Variants in EOLA1 observed in about 807,000 individuals in gnomAD.
EOLA1 encodes protein EOLA1.
In EOLA1, 1 loss-of-function variant was observed where a neutral mutation model predicts 4.5. The observed-to-expected ratio is 0.22, with a 90% CI of 0.08 to 1.05. EOLA1 has a LOEUF of 1.05. Ranked by LOEUF, EOLA1 falls within the 50% of genes least tolerant of loss-of-function variation. The pLI, the probability that EOLA1 is intolerant of heterozygous loss-of-function variation, is 0.57. For missense variants in EOLA1, 69 were observed against 127.2 expected (o/e 0.54, Z 2.20); for synonymous variants, 37 against 52.3 (o/e 0.71, Z 1.26).
intron 2 of EOLA1, among the ~76,000 whole-genome samples, chrX:149,542,825 G>A (rs782620813): frequency 9.4e-6 from 1 of 106,905 alleles, no homozygotes; most frequent in Admixed American, 1.0e-4. Flanking sequence ...TCGCAGTTCT[G>A]GAGGATGGAA....
chrX:149,544,546 G>A, intron 2 of EOLA1: 4 of 749,983 alleles, frequency 5.3e-6, no homozygotes, highest in Non-Finnish European at 4.7e-6. Context: ...TGGGCTGGGT[G>A]CTCTTGGTGC....
In EOLA1 at chrX:149,546,881, G is replaced by A. The variant is rs782562069; in HGVS notation, c.396G>A (p.Glu132=). 2.1e-5 allele frequency: 25 copies of A among 1,209,488 alleles called. No homozygotes were observed. The highest frequency in any genetic ancestry group is 1.6e-4 in the South Asian group (9 of 56,811). ...TVISNPRWLL[E]PIPRKGGKDV... ...TTTCAAACCCCAGGTGGTTACTGGA[G>A]CCCATACCTAGGAAAGGAGGCAAGG... Residue 132 remains glutamate, a synonymous_variant, in exon 5 of 5, where the codon GAG becomes GAA. Coordinates refer to ENST00000393985, the MANE Select transcript of EOLA1 (RefSeq NM_001171907.3).
chrX:149,543,452 G>A (rs375718421), intron 2 of EOLA1, among the ~76,000 whole-genome samples: 1 of 79,365 alleles, frequency 1.3e-5, no homozygotes, highest in Admixed American at 1.4e-4. Context: ...AGATCATTCC[G>A]ATGGCAGTGT....
rs1240181736 is a variant in EOLA1, at chrX:149,543,843, G to A, written c.-162-1525G>A. On this transcript the variant is annotated intron_variant, in intron 2 of 4. Transcript: ENST00000393985. ...TTCAGAGCAGGACGGTGAGCAACGT[G>A]GGGGTCCCAGAAGGAGGGAAGGAGT... 2.2e-5 allele frequency among the ~76,000 whole-genome samples: 2 copies of A among 89,722 alleles called. 1 individual carries two copies. Among genetic ancestry groups the A allele is most frequent in the Non-Finnish European group, 4.5e-5 (2 of 43,982 alleles). The allele number at this position is 89,722 out of a possible 115,157, so 77.9% of individuals were successfully genotyped here. A position where few individuals can be genotyped will look rare whatever the true frequency, so the allele number is the denominator to read the frequency against.
chrX:149,543,766 G>A (rs1318822186), intron 2 of EOLA1, among the ~76,000 whole-genome samples: 1 of 89,166 alleles, frequency 1.1e-5, no homozygotes, highest in African/African-American at 4.4e-5. Flanking sequence ...GAGTATGTAC[G>A]GGCCTGTCCA....
At chrX:149,544,882 C>T in intron 2 of EOLA1, 1 of 753,946 alleles carries the variant, frequency 1.3e-6, no homozygotes, top group Non-Finnish European at 1.6e-6. Context: ...ACGTGGAAGG[C>T]ATGTGTGTGG....
intron 1 of EOLA1, chrX:149,541,665 G>A (rs1465421585): frequency 2.2e-6 from 1 of 452,251 alleles, no homozygotes; most frequent in African/African-American, 2.7e-5. Context: ...GAGGACAATG[G>A]GATTTAGAGT....
At chrX:149,542,129 A>T (rs1277046711) in intron 2 of EOLA1, 44 bp downstream of exon 2, 1 of 495,903 alleles carries the variant, frequency 2.0e-6, no homozygotes, top group African/African-American at 2.6e-5. Flanking sequence ...CAGTTACATC[A>T]GTTCCTACTA....
intron 2 of EOLA1, among the ~76,000 whole-genome samples, chrX:149,543,783 G>C (rs1230442207): frequency 1.1e-5 from 1 of 89,862 alleles, no homozygotes; most frequent in African/African-American, 4.4e-5. Flanking sequence ...TCCACCTAAG[G>C]CTGAGTCTGA....
chrX:149,545,500 G>C lies in EOLA1; in HGVS notation c.-30G>C. 8.8e-7 allele frequency: 1 copy of C among 1,132,138 alleles called. No homozygotes were observed. The highest frequency in any genetic ancestry group is 3.1e-5 in the East Asian group (1 of 32,221). 93.3% of individuals were successfully genotyped at this position (1,132,138 alleles called of 1,213,427 possible). Reference sequence around the variant, plus strand: ...ACAGACGGAAGCAGGAGACCATCAAGGTCAGTGCGATTTAGGCCACCTGAG... The same window carrying C: ...ACAGACGGAAGCAGGAGACCATCAACGTCAGTGCGATTTAGGCCACCTGAG... On this transcript the variant is annotated splice_region_variant and 5_prime_UTR_variant, in exon 3 of 5. Transcript: ENST00000393985.
chrX:149,545,385 C>A lies in EOLA1; in HGVS notation c.-145C>A. The A allele has an allele frequency of 9.4e-7, 1 of 1,068,386 alleles. No individual in the cohort carries two copies. The highest frequency in any genetic ancestry group is 2.6e-4 in the Middle Eastern group (1 of 3,892). 88.0% of individuals were successfully genotyped at this position (1,068,386 alleles called of 1,213,427 possible). On this transcript the variant is annotated 5_prime_UTR_variant, in exon 3 of 5. Coordinates refer to ENST00000393985, the MANE Select transcript of EOLA1 (RefSeq NM_001171907.3). Reference sequence around the variant, plus strand: ...TCCTCTAGCTGTCCCCGCCCTACTCCGGACCGCCCCAAAGACTCCATGGGA... The same window carrying A: ...TCCTCTAGCTGTCCCCGCCCTACTCAGGACCGCCCCAAAGACTCCATGGGA...
chrX:149,548,881 GTC>G (rs2089891931), downstream of EOLA1: 2 of 282,031 alleles, frequency 7.1e-6, no homozygotes, highest in African/African-American at 7.6e-5. Flanking sequence ...GCCTGGGCTT[GTC>G]TCTCTGAAAA....
At chrX:149,545,065 G>C in intron 2 of EOLA1, 4 of 693,718 alleles carry the variant, frequency 5.8e-6, no homozygotes, top group Non-Finnish European at 6.8e-6. Context: ...TGCATCCTGA[G>C]GACAGAGCTG....
chrX:149,540,681 A>C, upstream of EOLA1: 1 of 95,148 alleles, frequency 1.1e-5, no homozygotes, highest in African/African-American at 4.1e-5. Flanking sequence ...TCCTCGTCCC[A>C]CCCTTCCACT....
At position 149,548,236 on chromosome X, in the gene EOLA1, T is replaced by C; in HGVS notation, c.*1274T>C. 2.5e-6 allele frequency: 1 copy of C among 406,426 alleles called. No homozygotes were observed. Among genetic ancestry groups the C allele is most frequent in the Non-Finnish European group, 3.7e-6 (1 of 271,876 alleles). The allele number at this position is 406,426 out of a possible 1,213,427, so 33.5% of individuals were successfully genotyped here. On this transcript the variant is annotated 3_prime_UTR_variant, in exon 5 of 5. Transcript: ENST00000393985. ...TCTCATTTAAATTGTTTATTATTTA[T>C]TTCCATGGAATTTTGTTTTTCTTTA...
Position 149,548,005 on chromosome X carries a change from C to A in EOLA1, c.*1043C>A, listed in dbSNP as rs2089880779. On this transcript the variant is annotated 3_prime_UTR_variant, in exon 5 of 5. Transcript: ENST00000393985. The stretch of plus-strand genomic sequence containing the variant: ...TCTATTCTTTCTCCTGACCAGCAGG[C>A]CAATCTCAGGGGACCAGGTCTTCCT... 9.9e-6 allele frequency among the ~76,000 whole-genome samples: 1 copy of A among 100,526 alleles called. No homozygotes were observed. Among genetic ancestry groups the A allele is most frequent in the Non-Finnish European group, 2.0e-5 (1 of 49,985 alleles). 87.3% of individuals were successfully genotyped at this position (100,526 alleles called of 115,157 possible).
intron 1 of EOLA1, 180 bp from the exon 2 acceptor site, chrX:149,541,839 C>T: frequency 1.4e-6 from 1 of 730,817 alleles, no homozygotes; most frequent in African/African-American, 2.3e-5. Context: ...CGGAGGGTCC[C>T]ACTGCTGTGA....
Position 149,547,163 on chromosome X carries a change from G to A in EOLA1, c.*201G>A, listed in dbSNP as rs7885814. ...GGAAGTAGGGGGTGGGGCTTTCCTT[G>A]TGTGATGCCTCCTTAGGCACACAGG... On this transcript the variant is annotated 3_prime_UTR_variant, in exon 5 of 5. Coordinates refer to ENST00000393985, the MANE Select transcript of EOLA1 (RefSeq NM_001171907.3). The A allele has an allele frequency of 4.3e-4, 415 of 971,136 alleles. 2 individuals are homozygous for A. In the African/African-American group the frequency reaches 7.0e-3, roughly 16 times the overall value. 80.0% of individuals were successfully genotyped at this position (971,136 alleles called of 1,213,427 possible). A position where few individuals can be genotyped will look rare whatever the true frequency, so the allele number is the denominator to read the frequency against.
intron 2 of EOLA1, among the ~76,000 whole-genome samples, chrX:149,543,796 G>T (rs1336442912): frequency 2.2e-5 from 2 of 90,210 alleles, no homozygotes; most frequent in Non-Finnish European, 4.5e-5. Context: ...GAGTCTGAAG[G>T]GGGGTGGCCT....
Sources: gnomAD v4.1 joint callset for allele counts (sites outside exome capture counted in the v4.1 genomes callset) on GRCh38, gnomAD v4.1.1 for gene constraint, MANE v1.5 for transcripts, NCBI Gene and HGNC (gene_info 2026-07-23, HGNC 2026-07-21) for gene names.